The following SPATA9 variants were observed in gnomAD, a reference collection of about 807,000 sequenced individuals.
SPATA9 encodes spermatogenesis associated 9.
Under a neutral mutation model 25.5 loss-of-function variants are expected in SPATA9, and 27 were observed. The observed-to-expected ratio is 1.06, with a 90% CI of 0.78 to 1.46. The LOEUF is 1.46. Ranked by LOEUF, SPATA9 falls within the 40% of genes most tolerant of loss-of-function variation. SPATA9 has a pLI of 0.00. For synonymous variants in SPATA9, 102 were observed against 105.7 expected (o/e 0.97, Z 0.21); for missense variants, 282 against 297.5 (o/e 0.95, Z 0.38).
At chr5:95,730,151 T>C in the SPATA9 span, among the ~76,000 whole-genome samples, 1 of 152,024 alleles carries the variant, frequency 6.6e-6, no homozygotes, top group Non-Finnish European at 1.5e-5. Flanking sequence ...CGAGAAACTA[T>C]TAAACTACTT....
upstream of SPATA9, chr5:95,684,792 T>C (rs1753694505): frequency 6.6e-6 from 1 of 152,238 alleles, no homozygotes; most frequent in African/African-American, 2.4e-5. Flanking sequence ...GTCTGTTTTT[T>C]TCTTGTTAAT....
chr5:95,693,482 G>T (rs1753938212), intron 1 of SPATA9, among the ~76,000 whole-genome samples: 1 of 152,098 alleles, frequency 6.6e-6, no homozygotes, highest in Non-Finnish European at 1.5e-5. Flanking sequence ...ACAGAAAAAA[G>T]GCACAAGATT....
chr5:95,695,059 A>C (rs1438551176), intron 1 of SPATA9, among the ~76,000 whole-genome samples: 2 of 152,268 alleles, frequency 1.3e-5, no homozygotes, highest in African/African-American at 4.8e-5. Flanking sequence ...CAGTACATAC[A>C]GTATGAAGTC....
chr5:95,666,063 T>C (rs1402977317), intron 3 of SPATA9, among the ~76,000 whole-genome samples: 1 of 152,214 alleles, frequency 6.6e-6, no homozygotes, highest in Non-Finnish European at 1.5e-5. Flanking sequence ...TCCTGTTCAA[T>C]GTACTTTATA....
At chr5:95,666,552 A>G (rs1273901314) in intron 3 of SPATA9, among the ~76,000 whole-genome samples, 1 of 152,226 alleles carries the variant, frequency 6.6e-6, no homozygotes, top group Admixed American at 6.5e-5. Context: ...ATAGTCCCTT[A>G]TTAGAGAGGG....
upstream of SPATA9, among the ~76,000 whole-genome samples, chr5:95,700,312 T>G (rs576781377): frequency 3.2e-4 from 49 of 152,220 alleles, no homozygotes; most frequent in African/African-American, 1.0e-3. Flanking sequence ...AATTTTTTTT[T>G]TTGTTTAGAT....
exon 9 of SPATA9, chr5:95,653,029 C>A: frequency 6.6e-7 from 1 of 1,516,286 alleles, no homozygotes; most frequent in African/African-American, 1.4e-5. Context: ...GCCTGTTTAC[C>A]AATCTTGCAT....
the SPATA9 span, among the ~76,000 whole-genome samples, chr5:95,712,177 A>G: frequency 1.3e-5 from 2 of 152,228 alleles, no homozygotes; most frequent in African/African-American, 4.8e-5. Flanking sequence ...TAAGATTTAT[A>G]TATTAACTAA....
the SPATA9 span, among the ~76,000 whole-genome samples, chr5:95,707,804 T>C: frequency 6.6e-6 from 1 of 152,024 alleles, no homozygotes; most frequent in Non-Finnish European, 1.5e-5. Flanking sequence ...GGAGAGTCAA[T>C]TCAGGTGGAA....
intron 3 of SPATA9, chr5:95,674,797 A>G (rs143912568): frequency 1.8e-4 from 80 of 456,578 alleles, no homozygotes; most frequent in African/African-American, 1.5e-3. Context: ...TCCTTCAACA[A>G]AGAGTTCAAA....
upstream of SPATA9, among the ~76,000 whole-genome samples, chr5:95,702,483 G>A (rs1369119259): frequency 6.6e-6 from 1 of 152,092 alleles, no homozygotes; most frequent in African/African-American, 2.4e-5. Context: ...GCTGCCCAGG[G>A]GCAGAAATAA....
chr5:95,705,567 C>T, the SPATA9 span, among the ~76,000 whole-genome samples: 2 of 152,116 alleles, frequency 1.3e-5, no homozygotes, highest in South Asian at 4.1e-4. Context: ...TAAAGGTCAG[C>T]TGGTAATAAT....
Position 95,669,254 on chromosome 5 carries a change from CAA to C in SPATA9, c.379-5208_379-5207del, listed in dbSNP as rs980921014. On this transcript the variant is annotated intron_variant, in intron 3 of 4. Coordinates refer to ENST00000274432, the MANE Select transcript of SPATA9 (RefSeq NM_031952.4). The stretch of plus-strand genomic sequence containing the variant: ...AACGTGGAGGAGTACTGTATGTCTT[CAA>C]GAGCCCAGGAGTTCTATCTAGGAAA... 1.8e-4 allele frequency among the ~76,000 whole-genome samples: 27 copies of C among 152,272 alleles called. No homozygotes were observed. The Middle Eastern group carries it at 0.014, about 77-fold the overall frequency.
downstream of SPATA9, chr5:95,652,377 C>T (rs1192473141): frequency 6.5e-7 from 1 of 1,541,776 alleles, no homozygotes; most frequent in Admixed American, 2.0e-5. Context: ...CAGTTTTTCT[C>T]TCTAGAAATT....
upstream of SPATA9, chr5:95,684,789 T>A (rs1175811811): frequency 1.3e-5 from 2 of 152,252 alleles, no homozygotes; most frequent in East Asian, 3.8e-4. Context: ...AATGTCTGTT[T>A]TTTTCTTGTT....
the SPATA9 span, among the ~76,000 whole-genome samples, chr5:95,709,804 C>T: frequency 2.6e-5 from 4 of 152,230 alleles, no homozygotes; most frequent in South Asian, 6.2e-4. Flanking sequence ...CAAGTTTTTT[C>T]GGAGACAGTG....
At chr5:95,686,574 A>G (rs543975291), upstream of SPATA9, among the ~76,000 whole-genome samples, 6 of 152,262 alleles carry the variant, frequency 3.9e-5, no homozygotes, top group African/African-American at 7.2e-5. Context: ...AAAGTTTTAT[A>G]TAAATCAATC....
At chr5:95,665,083 C>G (rs375924812) in intron 3 of SPATA9, among the ~76,000 whole-genome samples, 2 of 152,206 alleles carry the variant, frequency 1.3e-5, no homozygotes, top group East Asian at 3.9e-4. Flanking sequence ...TTAATTGACA[C>G]ATTGTAATGG....
At chr5:95,689,908 C>G (rs1459595447) in intron 1 of SPATA9, among the ~76,000 whole-genome samples, 1 of 152,040 alleles carries the variant, frequency 6.6e-6, no homozygotes, top group Non-Finnish European at 1.5e-5. Context: ...AGCTGAAGGC[C>G]ATTATCCTAA....
Sources: gnomAD v4.1 joint callset for allele counts (sites outside exome capture counted in the v4.1 genomes callset) on GRCh38, gnomAD v4.1.1 for gene constraint, MANE v1.5 for transcripts, NCBI Gene and HGNC (gene_info 2026-07-23, HGNC 2026-07-21) for gene names.